The following EFCAB13 variants were observed in gnomAD, a reference collection of about 807,000 sequenced individuals.
EFCAB13 encodes EF-hand calcium binding domain 13, also known as EF-hand calcium-binding domain-containing protein 13.
Under a neutral mutation model 110.2 loss-of-function variants are expected in EFCAB13, and 91 were observed. The ratio of observed to expected loss-of-function variants is 0.83; its 90% CI spans 0.70 to 0.98. The LOEUF is 0.98. Among genes scored for constraint, EFCAB13 ranks in the 50% least tolerant of loss-of-function variants. The pLI, the probability that EFCAB13 is intolerant of heterozygous loss-of-function variation, is 0.00. For missense variants in EFCAB13, 968 were observed against 1,119.4 expected (o/e 0.86, Z 1.93); for synonymous variants, 323 against 369.9 (o/e 0.87, Z 1.45).
In EFCAB13 at chr17:47,341,898, A is replaced by T. The variant is rs776310682; in HGVS notation, c.192-23A>T. On this transcript the variant is annotated intron_variant, in intron 5 of 24. Transcript: ENST00000331493. ...ATAAGTAAAAAGAAATTCAAGAATG[A>T]TTCCAATTTCTGTGTCATTTAGATT... is the stretch of plus-strand genomic sequence containing the variant. 24 of 1,300,276 alleles carry T rather than the reference A, an allele frequency of 1.8e-5. 1 individual carries two copies. The South Asian group carries it at 3.1e-4, about 17-fold the overall frequency. The allele number at this position is 1,300,276 out of a possible 1,614,324, so 80.5% of individuals were successfully genotyped here.
At chr17:47,394,484 A>T (rs1359699612) in intron 16 of EFCAB13, among the ~76,000 whole-genome samples, 1 of 152,120 alleles carries the variant, frequency 6.6e-6, no homozygotes. Context: ...ATTTCTTTCT[A>T]TCTTCCAATG....
intron 24 of EFCAB13, among the ~76,000 whole-genome samples, chr17:47,438,417 T>G (rs111531694): frequency 0.047 from 7,160 of 152,208 alleles, 239 homozygotes; most frequent in East Asian, 0.11. Flanking sequence ...CTCTTCTTCC[T>G]CAGGTACACC....
chr17:47,420,282 G>T (rs1904604151), intron 23 of EFCAB13, among the ~76,000 whole-genome samples: 1 of 152,302 alleles, frequency 6.6e-6, no homozygotes, highest in East Asian at 1.9e-4. Context: ...GCAGTGGCGT[G>T]ATCTCGGCTC....
At chr17:47,373,193 G>C (rs1053859695) in intron 11 of EFCAB13, among the ~76,000 whole-genome samples, 2 of 152,054 alleles carry the variant, frequency 1.3e-5, no homozygotes, top group African/African-American at 4.8e-5. Context: ...TGCTTGATCA[G>C]TTATGTTGTT....
At chr17:47,353,620 G>A (rs1173668384) in intron 9 of EFCAB13, among the ~76,000 whole-genome samples, 1 of 152,066 alleles carries the variant, frequency 6.6e-6, no homozygotes, top group African/African-American at 2.4e-5. Context: ...TTAGAATCAA[G>A]GATATGTGAA....
At chr17:47,438,017 C>G (rs1408885823) in intron 24 of EFCAB13, among the ~76,000 whole-genome samples, 1 of 152,070 alleles carries the variant, frequency 6.6e-6, no homozygotes, top group East Asian at 1.9e-4. Flanking sequence ...CTGAATAAGA[C>G]TGTATCTTTC....
intron 20 of EFCAB13, among the ~76,000 whole-genome samples, chr17:47,405,271 G>A (rs1016771099): frequency 2.0e-5 from 3 of 152,050 alleles, no homozygotes; most frequent in African/African-American, 7.2e-5. Flanking sequence ...GAGTATCCTT[G>A]TACATATATC....
chr17:47,375,001 C>A, intron 12 of EFCAB13, 35 bp downstream of exon 12: 1 of 1,520,344 alleles, frequency 6.6e-7, no homozygotes, highest in South Asian at 1.4e-5. Context: ...GTTCTTCAGT[C>A]ATCACAGAAA....
chr17:47,339,206 A>G (rs1222134665), intron 5 of EFCAB13, among the ~76,000 whole-genome samples: 2 of 152,134 alleles, frequency 1.3e-5, no homozygotes, highest in Non-Finnish European at 2.9e-5. Flanking sequence ...AGCACTTTCT[A>G]AGAGTATGTG....
In EFCAB13 at chr17:47,350,577, G is replaced by A. The variant is rs181171323; in HGVS notation, c.661+2626G>A. Among the ~76,000 whole-genome samples the A allele has an allele frequency of 2.1e-3, 325 of 151,556 alleles. 2 individuals carry two copies. Among genetic ancestry groups the A allele is most frequent in the Middle Eastern group, 0.014 (4 of 292 alleles). On this transcript the variant is annotated intron_variant, in intron 9 of 24. Transcript: ENST00000331493. Reference sequence around the variant, plus strand: ...ATGCCAATATAATTATTACTCCCACGCCTTTGTTTGTGTGTGTGTGTGTGT... The same window carrying A: ...ATGCCAATATAATTATTACTCCCACACCTTTGTTTGTGTGTGTGTGTGTGT...
intron 10 of EFCAB13, among the ~76,000 whole-genome samples, chr17:47,362,876 C>G (rs946746857): frequency 6.6e-6 from 1 of 152,156 alleles, no homozygotes; most frequent in Non-Finnish European, 1.5e-5. Context: ...TACCCTGCCC[C>G]TTTGTTTTGT....
intron 4 of EFCAB13, among the ~76,000 whole-genome samples, chr17:47,331,906 C>T (rs2065321695): frequency 6.6e-6 from 1 of 152,126 alleles, no homozygotes; most frequent in African/African-American, 2.4e-5. Flanking sequence ...TGATAGCTCA[C>T]TTCTTTTTAG....
In EFCAB13 at chr17:47,435,555, T is replaced by C. The variant is rs141752129; in HGVS notation, c.2639-4876T>C. Reference sequence around the variant, plus strand: ...TTTGTTTTTGTTTTTTTTGCAGCTATTGTAAAAGGGGTTGAGTTCTTGATT... The same window carrying C: ...TTTGTTTTTGTTTTTTTTGCAGCTACTGTAAAAGGGGTTGAGTTCTTGATT... On this transcript the variant is annotated intron_variant, in intron 24 of 24. Coordinates refer to ENST00000331493, the MANE Select transcript of EFCAB13 (RefSeq NM_152347.5). 4.8e-3 allele frequency among the ~76,000 whole-genome samples: 734 copies of C among 152,234 alleles called. 7 individuals are homozygous for C. The highest frequency in any genetic ancestry group is 0.015 in the African/African-American group (625 of 41,544).
At chr17:47,370,124 A>G (rs2065573213) in intron 10 of EFCAB13, among the ~76,000 whole-genome samples, 1 of 152,220 alleles carries the variant, frequency 6.6e-6, no homozygotes, top group African/African-American at 2.4e-5. Context: ...CAAAAGAGTA[A>G]ATAAATACCT....
At chr17:47,351,298 TGTGTGTGCGCGCGCGCGCGC>T (rs904964929) in intron 9 of EFCAB13, among the ~76,000 whole-genome samples, 3 of 130,434 alleles carry the variant, frequency 2.3e-5, no homozygotes, top group Admixed American at 7.5e-5. Flanking sequence ...TGTGTGTGTG[TGTGTGTGCGCGCGCGCGCGC>T]GCGCGCGCGC....
rs555479430 is a variant in EFCAB13 at position 47,349,812 on chromosome 17, G to T, written c.661+1861G>T. Among the ~76,000 whole-genome samples the T allele has an allele frequency of 2.8e-4, 39 of 136,856 alleles. 1 individual carries two copies. In the East Asian group the frequency reaches 8.1e-3, roughly 28 times the overall value. 89.8% of individuals were successfully genotyped at this position (136,856 alleles called of 152,430 possible). On this transcript the variant is annotated intron_variant, in intron 9 of 24. Transcript: ENST00000331493. ...AGACGGAGTCTCGCTCTGTCGCCCA[G>T]GCTGGACTGCGGACTGCAGTGGCGC...
At chr17:47,345,820 G>T (rs370866396) in intron 8 of EFCAB13, among the ~76,000 whole-genome samples, 3 of 152,074 alleles carry the variant, frequency 2.0e-5, no homozygotes, top group East Asian at 3.9e-4. Context: ...AACCTCAGCT[G>T]CCCTTAGCAC....
chr17:47,327,747 G>A lies in EFCAB13; in HGVS notation c.-85-522G>A, dbSNP rs190692220. On this transcript the variant is annotated intron_variant, in intron 3 of 24. Coordinates refer to ENST00000331493, the MANE Select transcript of EFCAB13 (RefSeq NM_152347.5). ...TGGGATTACAGACGTGAACCACTGC[G>A]CCCGGCCTACACCATCTTTTGTTTG... Among the ~76,000 whole-genome samples, 11 of 152,172 alleles carry A rather than the reference G, an allele frequency of 7.2e-5. No individual in the cohort carries two copies. The East Asian group carries it at 1.9e-3, about 27-fold the overall frequency.
At chr17:47,327,984 G>A in intron 3 of EFCAB13, 1 of 387,124 alleles carries the variant, frequency 2.6e-6, no homozygotes, top group Non-Finnish European at 4.6e-6. Flanking sequence ...CTGCTTCTCA[G>A]GGTTTATTTA....
Sources: gnomAD v4.1 joint callset for allele counts (sites outside exome capture counted in the v4.1 genomes callset) on GRCh38, gnomAD v4.1.1 for gene constraint, MANE v1.5 for transcripts, NCBI Gene and HGNC (gene_info 2026-07-23, HGNC 2026-07-21) for gene names.